KNTC1: variants seen among roughly 807,000 people sequenced by gnomAD.
KNTC1 encodes kinetochore-associated protein 1.
KNTC1 carries 253 observed loss-of-function variants against 314.4 expected under a neutral mutation model. The ratio of observed to expected loss-of-function variants is 0.80; its 90% CI spans 0.73 to 0.89. The LOEUF is 0.89. KNTC1 is among the 40% of genes least tolerant of loss of function. KNTC1 has a pLI of 0.00. For missense variants in KNTC1, 2,475 were observed against 2,572.9 expected (o/e 0.96, Z 0.82); for synonymous variants, 901 against 901.4 (o/e 1.00, Z 0.01).
At chr12:122,578,025 G>A (rs1040338576) in intron 31 of KNTC1, among the ~76,000 whole-genome samples, 1 of 152,144 alleles carries the variant, frequency 6.6e-6, no homozygotes, top group African/African-American at 2.4e-5. Context: ...GTTAGCAGGT[G>A]TCTTGGAGCA....
At chr12:122,568,680 T>C (rs866733819) in intron 21 of KNTC1, among the ~76,000 whole-genome samples, 51 of 151,798 alleles carry the variant, frequency 3.4e-4, no homozygotes, top group Non-Finnish European at 2.1e-4. Context: ...CTACCAAAAA[T>C]AAAAAAGTAG....
intron 51 of KNTC1, among the ~76,000 whole-genome samples, 152 bp downstream of exon 51, chr12:122,605,567 G>A (rs1593667723): frequency 6.6e-6 from 1 of 152,178 alleles, no homozygotes; most frequent in Admixed American, 6.5e-5. Context: ...TTGTTTTTGA[G>A]ATGGAGTCTT....
chr12:122,547,406 CTA>C lies in KNTC1; in HGVS notation c.817-7_817-6del. The C allele has an allele frequency of 6.5e-7, 1 of 1,539,142 alleles. No individual in the cohort carries two copies. ...AAAAGGACATGTAAATGAAATGTCT[CTA>C]TTGCAGAACGTGCTGAGTTTATGGG... is the stretch of plus-strand genomic sequence containing the variant. On this transcript the variant is annotated splice_polypyrimidine_tract_variant and splice_region_variant and intron_variant, in intron 10 of 63. Transcript: ENST00000333479.
intron 10 of KNTC1, 27 bp downstream of exon 10, chr12:122,546,701 T>G: frequency 5.7e-6 from 8 of 1,410,356 alleles, no homozygotes; most frequent in Non-Finnish European, 7.9e-6. Flanking sequence ...TCCTTCAATG[T>G]TTTTACTTGA....
At chr12:122,559,539 A>G (rs1012434523) in intron 18 of KNTC1, among the ~76,000 whole-genome samples, 4 of 151,258 alleles carry the variant, frequency 2.6e-5, no homozygotes, top group African/African-American at 4.8e-5. Flanking sequence ...TAAAAAATAC[A>G]TAACATGAAA....
At chr12:122,547,125 C>T (rs993669071) in intron 10 of KNTC1, among the ~76,000 whole-genome samples, 5 of 152,012 alleles carry the variant, frequency 3.3e-5, no homozygotes, top group South Asian at 2.1e-4. Context: ...TGAGCCACTG[C>T]GCCTGGTCTG....
Position 122,612,869 on chromosome 12 carries a change from A to G in KNTC1, c.5623-243A>G, listed in dbSNP as rs2138158938. ...TATCAACACAGTGTAAAGGCAAATAACATCTTAGTATCATGAAAACAGCTT... is the reference window on the plus strand; with the variant it reads ...TATCAACACAGTGTAAAGGCAAATAGCATCTTAGTATCATGAAAACAGCTT... On this transcript the variant is annotated intron_variant, in intron 53 of 63. Transcript: ENST00000333479. 4.3e-6 allele frequency: 2 copies of G among 459,782 alleles called. 1 individual carries two copies. Among genetic ancestry groups the G allele is most frequent in the Non-Finnish European group, 7.7e-6 (2 of 259,842 alleles). The allele number at this position is 459,782 out of a possible 1,614,324, so 28.5% of individuals were successfully genotyped here.
At chr12:122,587,551 A>G (rs188911989) in intron 38 of KNTC1, among the ~76,000 whole-genome samples, 160 bp from the exon 39 acceptor site, 3 of 152,336 alleles carry the variant, frequency 2.0e-5, no homozygotes, top group African/African-American at 7.2e-5. Context: ...TTTCTGGTTT[A>G]AGTCAAGCCT....
At chr12:122,619,439 G>T (rs1000388081) in intron 59 of KNTC1, among the ~76,000 whole-genome samples, 1 of 151,430 alleles carries the variant, frequency 6.6e-6, no homozygotes, top group African/African-American at 2.4e-5. Context: ...TTGAGACGGA[G>T]TCTTGCTCTG....
At chr12:122,576,388 G>T (rs563353700) in intron 29 of KNTC1, among the ~76,000 whole-genome samples, 18 of 151,872 alleles carry the variant, frequency 1.2e-4, no homozygotes, top group African/African-American at 3.6e-4. Context: ...GAGTATTAAA[G>T]ACACCAAATA....
Position 122,557,456 on chromosome 12 carries a change from A to T in KNTC1, c.1345A>T (p.Thr449Ser), listed in dbSNP as rs745501474. Reference sequence around the variant, plus strand: ...GAGTTCTGTGGATGCCAGTGAACAGACCGAATGGCAACAACTTGTAGACGA... The same window carrying T: ...GAGTTCTGTGGATGCCAGTGAACAGTCCGAATGGCAACAACTTGTAGACGA... ...ALSSVDASEQ[T>S]EWQQLVDDAK... The change falls in exon 17 of 64, where the codon ACC becomes TCC. Residue 449 changes from threonine (T) to serine (S), a missense_variant. Thr to Ser is a moderately conservative substitution (Grantham distance 58, BLOSUM62 1). Transcript: ENST00000333479. 1.9e-6 allele frequency: 3 copies of T among 1,613,856 alleles called. No individual in the cohort carries two copies. The Admixed American group carries it at 5.0e-5, about 27-fold the overall frequency.
At chr12:122,541,579 T>C (rs921057077) in intron 5 of KNTC1, among the ~76,000 whole-genome samples, 2 of 151,458 alleles carry the variant, frequency 1.3e-5, no homozygotes, top group African/African-American at 4.9e-5. Context: ...GCTCCTGACC[T>C]CGTGATCTAC....
chr12:122,554,151 G>A (rs1169167731), intron 16 of KNTC1, among the ~76,000 whole-genome samples: 3 of 144,460 alleles, frequency 2.1e-5, no homozygotes, highest in African/African-American at 7.6e-5. Flanking sequence ...GGCTGGTCTC[G>A]AACTCGTGAC....
intron 3 of KNTC1, among the ~76,000 whole-genome samples, chr12:122,536,870 C>T (rs1463892378): frequency 2.0e-5 from 3 of 152,150 alleles, no homozygotes; most frequent in Non-Finnish European, 4.4e-5. Context: ...TACATAAGAA[C>T]TTAGACAACT....
At chr12:122,594,195 G>C in intron 42 of KNTC1, 81 bp from the exon 43 acceptor site, 1 of 771,862 alleles carries the variant, frequency 1.3e-6, no homozygotes, top group Non-Finnish European at 2.2e-6. Flanking sequence ...TACTAAGAAG[G>C]CAAGTCATGA....
intron 31 of KNTC1, among the ~76,000 whole-genome samples, chr12:122,579,254 C>T (rs923949423): frequency 6.6e-6 from 1 of 150,518 alleles, no homozygotes; most frequent in Admixed American, 6.6e-5. Flanking sequence ...TTAGTAGAGA[C>T]GGGGTTTCAC....
intron 1 of KNTC1, among the ~76,000 whole-genome samples, chr12:122,528,267 A>G (rs1207329916): frequency 6.6e-6 from 1 of 152,176 alleles, no homozygotes; most frequent in Non-Finnish European, 1.5e-5. Flanking sequence ...CTCCCACCCA[A>G]ACACCAGCCA....
intron 37 of KNTC1, 85 bp from the exon 38 acceptor site, chr12:122,586,616 A>G (rs1869348289): frequency 2.4e-6 from 1 of 413,336 alleles, no homozygotes; most frequent in Non-Finnish European, 4.3e-6. Context: ...ATTTTGTTAC[A>G]TGGATATATT....
At chr12:122,605,546 C>G (rs1374762750) in intron 51 of KNTC1, 131 bp downstream of exon 51, 5 of 539,888 alleles carry the variant, frequency 9.3e-6, no homozygotes, top group African/African-American at 1.9e-5. Context: ...AAGGAAGTTT[C>G]TTTGTTTGTT....
Sources: allele counts gnomAD v4.1 joint callset (sites outside exome capture counted in the v4.1 genomes callset), GRCh38; gene constraint gnomAD v4.1.1; transcripts MANE v1.5; gene names NCBI Gene and HGNC (gene_info 2026-07-23, HGNC 2026-07-21).